The following HM13 variants were observed in gnomAD, a reference collection of about 807,000 sequenced individuals.
The protein encoded by HM13 is histocompatibility minor 13.
In HM13, 18 loss-of-function variants were observed where a neutral mutation model predicts 50.0. That is an observed-to-expected ratio of 0.36 (90% CI 0.25 to 0.53). HM13 has a LOEUF of 0.53. HM13 is among the 20% of genes least tolerant of loss of function. The pLI, the probability that HM13 is intolerant of heterozygous loss-of-function variation, is 0.90. For synonymous variants in HM13, 197 were observed against 232.6 expected, an observed-to-expected ratio of 0.85 and a Z score of 1.39; for missense variants, 393 against 552.4, an observed-to-expected ratio of 0.71 and a Z score of 2.89.
rs1334843800 is a variant in HM13, at chr20:31,569,334, G to T, written c.*115G>T. On this transcript the variant is annotated 3_prime_UTR_variant, in exon 13 of 13. Transcript: ENST00000398174. The stretch of plus-strand genomic sequence containing the variant: ...CAAGGGCAGCTCCAGGACAGGGCAG[G>T]GGGCAGCAGGATACCTCCAGCCAGG... 4 of 648,904 alleles carry T rather than the reference G, an allele frequency of 6.2e-6. No homozygotes were observed. The East Asian group carries it at 1.1e-4, about 18-fold the overall frequency. The allele number at this position is 648,904 out of a possible 1,614,324, so 40.2% of individuals were successfully genotyped here.
intron 8 of HM13, among the ~76,000 whole-genome samples, chr20:31,558,409 T>A (rs1179399944): frequency 1.3e-5 from 2 of 152,056 alleles, no homozygotes; most frequent in Non-Finnish European, 2.9e-5. Flanking sequence ...AAGACCCAAC[T>A]CCTCCCCATG....
chr20:31,566,994 C>T (rs1984957146), intron 11 of HM13, among the ~76,000 whole-genome samples: 1 of 152,156 alleles, frequency 6.6e-6, no homozygotes, highest in Admixed American at 6.5e-5. Context: ...CCGCCCAGTT[C>T]CACCTGCCTG....
chr20:31,546,428 C>A (rs1396977442), intron 4 of HM13, among the ~76,000 whole-genome samples: 4 of 152,090 alleles, frequency 2.6e-5, no homozygotes, highest in Middle Eastern at 6.8e-3. Context: ...TCTAAGGAAC[C>A]TCTGTTAAAC....
At chr20:31,532,463 G>A (rs1294916003) in intron 2 of HM13, among the ~76,000 whole-genome samples, 1 of 151,768 alleles carries the variant, frequency 6.6e-6, no homozygotes, top group Non-Finnish European at 1.5e-5. Context: ...TTTATCAAAT[G>A]CCTTGGTTCA....
chr20:31,514,793 G>A lies in HM13; in HGVS notation c.183+59G>A. 2 of 1,429,470 alleles carry A rather than the reference G, an allele frequency of 1.4e-6. No individual in the cohort carries two copies. Among genetic ancestry groups the A allele is most frequent in the Non-Finnish European group, 1.8e-6 (2 of 1,082,736 alleles). The allele number at this position is 1,429,470 out of a possible 1,614,324, so 88.5% of individuals were successfully genotyped here. A position where few individuals can be genotyped will look rare whatever the true frequency, so the allele number is the denominator to read the frequency against. On this transcript the variant is annotated intron_variant, in intron 1 of 12. Coordinates refer to ENST00000398174, the MANE Select transcript of HM13 (RefSeq NM_178581.3). This position sits in a 1 kb window ranked among gnomAD's most constrained non-coding sequence, Gnocchi z 4.3. ...CCCCATACCGAACACGGCCGACATGGACCCTTCCTAGGCGGGACAGACACC... is the reference window on the plus strand; with the variant it reads ...CCCCATACCGAACACGGCCGACATGAACCCTTCCTAGGCGGGACAGACACC...
At chr20:31,539,065 C>G in intron 3 of HM13, 2 of 985,424 alleles carry the variant, frequency 2.0e-6, no homozygotes, top group Non-Finnish European at 2.4e-6. Context: ...AGCCCATCCT[C>G]TTCCCACTGC....
chr20:31,552,466 C>A (rs537385214), intron 7 of HM13, among the ~76,000 whole-genome samples: 1 of 152,144 alleles, frequency 6.6e-6, no homozygotes, highest in Admixed American at 6.6e-5. Flanking sequence ...TGGAAGACTC[C>A]GAGCAGGGAA....
chr20:31,538,107 C>T (rs1983218476), intron 2 of HM13, 72 bp from the exon 3 acceptor site: 12 of 1,577,896 alleles, frequency 7.6e-6, no homozygotes, highest in South Asian at 4.7e-5. Flanking sequence ...CCAGAAGAGA[C>T]GCAGGGACTC....
intron 1 of HM13, among the ~76,000 whole-genome samples, chr20:31,515,871 G>A (rs1370017046): frequency 6.6e-6 from 1 of 152,144 alleles, no homozygotes; most frequent in Non-Finnish European, 1.5e-5. Flanking sequence ...ACCTGAGGAT[G>A]GACCTAAGTG....
intron 2 of HM13, among the ~76,000 whole-genome samples, chr20:31,531,098 G>A (rs1050656603): frequency 2.0e-5 from 3 of 152,112 alleles, no homozygotes; most frequent in African/African-American, 7.2e-5. Context: ...AGGCTGGAGT[G>A]CAGTGGCACA....
intron 5 of HM13, 45 bp from the exon 6 acceptor site, chr20:31,549,162 C>T: frequency 1.2e-6 from 2 of 1,614,074 alleles, no homozygotes; most frequent in Non-Finnish European, 1.7e-6. Flanking sequence ...GTTGACAGGG[C>T]AGGGTGGGTC....
rs1985143945 is a variant in HM13 at position 31,569,501 on chromosome 20, G to A, written c.*282G>A. 3 of 307,258 alleles carry A rather than the reference G, an allele frequency of 9.8e-6. No homozygotes were observed. 19.0% of individuals were successfully genotyped at this position (307,258 alleles called of 1,614,324 possible). A position where few individuals can be genotyped will look rare whatever the true frequency, so the allele number is the denominator to read the frequency against. On this transcript the variant is annotated 3_prime_UTR_variant, in exon 13 of 13. Transcript: ENST00000398174. The stretch of plus-strand genomic sequence containing the variant: ...GGGTGTGATTTTTAGATTTTGTATT[G>A]TGGACTGATTTTGCCTCACATTAAA...
chr20:31,568,795 C>G (rs2122680114), intron 12 of HM13, among the ~76,000 whole-genome samples: 1 of 152,314 alleles, frequency 6.6e-6, no homozygotes, highest in Non-Finnish European at 1.5e-5. Flanking sequence ...TCATGGCCAC[C>G]CCTTTTTCCA....
intron 3 of HM13, chr20:31,540,788 C>A (rs1326098305): frequency 6.6e-6 from 1 of 151,926 alleles, no homozygotes; most frequent in African/African-American, 2.4e-5. Flanking sequence ...GTCAGGAGTT[C>A]AAGACCAGCC....
chr20:31,558,792 C>T (rs530802162), intron 8 of HM13, among the ~76,000 whole-genome samples: 2 of 151,970 alleles, frequency 1.3e-5, no homozygotes, highest in Non-Finnish European at 2.9e-5. Flanking sequence ...GGCGTGATCT[C>T]GGCTCACTGC....
chr20:31,534,726 G>A (rs1419946505), intron 2 of HM13, among the ~76,000 whole-genome samples: 2 of 151,748 alleles, frequency 1.3e-5, no homozygotes, highest in Non-Finnish European at 2.9e-5. Context: ...AGGCTGCAGT[G>A]AGCCAAAATC....
intron 10 of HM13, chr20:31,563,287 G>A (rs1212760208): frequency 6.6e-6 from 1 of 152,358 alleles, no homozygotes; most frequent in Non-Finnish European, 1.5e-5. Context: ...AGGACATGAG[G>A]GGACCCTGTC....
At position 31,566,192 on chromosome 20, in the gene HM13, G is replaced by T; in HGVS notation, c.949-18G>T. ...TGCCGTGCCCAGCATGGCTTCACCAGCCTGTGTCCTCTCATAGCCTGCCCT... is the reference window on the plus strand; with the variant it reads ...TGCCGTGCCCAGCATGGCTTCACCATCCTGTGTCCTCTCATAGCCTGCCCT... On this transcript the variant is annotated intron_variant, in intron 10 of 12. Transcript: ENST00000398174. The T allele has an allele frequency of 6.2e-7, 1 of 1,609,078 alleles. No individual in the cohort carries two copies. The highest frequency in any genetic ancestry group is 1.1e-5 in the South Asian group (1 of 90,984).
chr20:31,552,763 A>G (rs1198294618), intron 7 of HM13, among the ~76,000 whole-genome samples: 4 of 152,184 alleles, frequency 2.6e-5, no homozygotes, highest in Non-Finnish European at 4.4e-5. Context: ...CAGGATTGAG[A>G]GAGAAAATCT....
Sources: allele counts gnomAD v4.1 joint callset (sites outside exome capture counted in the v4.1 genomes callset), GRCh38; gene constraint gnomAD v4.1.1; non-coding constraint Gnocchi (gnomAD v3.1); transcripts MANE v1.5; gene names NCBI Gene and HGNC (gene_info 2026-07-23, HGNC 2026-07-21).